Variants in LRRC3B observed in about 807,000 individuals in gnomAD.
LRRC3B encodes the protein leucine rich repeat containing 3B.
In LRRC3B, 2 loss-of-function variants were observed where a neutral mutation model predicts 12.8. The observed-to-expected ratio is 0.16, with a 90% CI of 0.06 to 0.49. LRRC3B has a LOEUF of 0.49. Ranked by LOEUF, LRRC3B falls within the 20% of genes least tolerant of loss-of-function variation. LRRC3B has a pLI of 0.96. For synonymous variants in LRRC3B, 132 were observed against 122.0 expected (o/e 1.08, Z -0.54); for missense variants, 189 against 319.4 (o/e 0.59, Z 3.11).
chr3:26,703,739 G>C (rs1216756873), intron 1 of LRRC3B, among the ~76,000 whole-genome samples: 8 of 151,512 alleles, frequency 5.3e-5, no homozygotes, highest in East Asian at 1.9e-4. Flanking sequence ...ATCTATTTTT[G>C]TATATGGTGT....
chr3:26,657,860 TA>T (rs1699408285), intron 1 of LRRC3B, among the ~76,000 whole-genome samples: 1 of 152,178 alleles, frequency 6.6e-6, no homozygotes, highest in African/African-American at 2.4e-5. Context: ...GACTCACTCT[TA>T]TTTTTCTGGG....
intron 1 of LRRC3B, among the ~76,000 whole-genome samples, chr3:26,636,381 C>A (rs1698871376): frequency 6.6e-6 from 1 of 152,068 alleles, no homozygotes; most frequent in Non-Finnish European, 1.5e-5. Context: ...CTTAGAAATT[C>A]CTTAGACACT....
intron 1 of LRRC3B, among the ~76,000 whole-genome samples, chr3:26,701,557 T>C (rs535217141): frequency 2.0e-5 from 3 of 152,198 alleles, no homozygotes; most frequent in South Asian, 4.1e-4. Context: ...GAAAATCTCT[T>C]CCCCTCTAGT....
At chr3:26,664,116 A>G (rs186239592) in intron 1 of LRRC3B, among the ~76,000 whole-genome samples, 6 of 152,094 alleles carry the variant, frequency 3.9e-5, no homozygotes, top group Non-Finnish European at 8.8e-5. Context: ...CCCCTCTCCA[A>G]TTTGAACTAG....
At chr3:26,702,476 G>A (rs1700478663) in intron 1 of LRRC3B, among the ~76,000 whole-genome samples, 1 of 136,796 alleles carries the variant, frequency 7.3e-6, no homozygotes, top group South Asian at 2.4e-4. Flanking sequence ...ATCTTCAGCT[G>A]GATTGGTTTC....
intron 1 of LRRC3B, among the ~76,000 whole-genome samples, chr3:26,636,115 T>C (rs1029278993): frequency 1.3e-5 from 2 of 152,212 alleles, no homozygotes; most frequent in Admixed American, 6.5e-5. Context: ...AGTGACTGTT[T>C]CTAAGCATTT....
At chr3:26,652,030 C>T (rs969355098) in intron 1 of LRRC3B, among the ~76,000 whole-genome samples, 6 of 152,144 alleles carry the variant, frequency 3.9e-5, no homozygotes, top group Non-Finnish European at 5.9e-5. Flanking sequence ...ACTGCAGAAC[C>T]GGCTCTTAAC....
At chr3:26,636,890 C>T (rs995014484) in intron 1 of LRRC3B, among the ~76,000 whole-genome samples, 3,798 of 86,790 alleles carry the variant, frequency 0.044, 679 homozygotes, top group African/African-American at 0.19. Flanking sequence ...TCCTTCCTTT[C>T]TCTCTCTCTC....
chr3:26,669,333 T>G (rs1308758055), intron 1 of LRRC3B, among the ~76,000 whole-genome samples: 1 of 152,204 alleles, frequency 6.6e-6, no homozygotes, highest in African/African-American at 2.4e-5. Flanking sequence ...CTCCTTCAGT[T>G]TTTTCATTCC....
intron 1 of LRRC3B, among the ~76,000 whole-genome samples, chr3:26,700,791 C>CAGTTA (rs1486468677): frequency 3.9e-5 from 6 of 152,092 alleles, no homozygotes; most frequent in African/African-American, 9.7e-5. Flanking sequence ...CAAAGGACTT[C>CAGTTA]AGTTAAGTTC....
intron 1 of LRRC3B, among the ~76,000 whole-genome samples, chr3:26,653,313 C>T (rs1433521691): frequency 2.0e-5 from 3 of 152,098 alleles, no homozygotes; most frequent in African/African-American, 7.2e-5. Context: ...AGAGCCTGTA[C>T]CTGAACAGTT....
At chr3:26,642,621 C>G (rs1394427381) in intron 1 of LRRC3B, among the ~76,000 whole-genome samples, 2 of 152,142 alleles carry the variant, frequency 1.3e-5, no homozygotes, top group Non-Finnish European at 2.9e-5. Flanking sequence ...CCCACACAGG[C>G]CTGTTTCTCT....
At chr3:26,651,781 A>G (rs1257304554) in intron 1 of LRRC3B, among the ~76,000 whole-genome samples, 1 of 152,174 alleles carries the variant, frequency 6.6e-6, no homozygotes, top group Non-Finnish European at 1.5e-5. Context: ...GTAGATGGCA[A>G]TTGCCTCAAC....
intron 1 of LRRC3B, among the ~76,000 whole-genome samples, chr3:26,652,541 G>C (rs1449608543): frequency 6.6e-6 from 1 of 152,158 alleles, no homozygotes; most frequent in Non-Finnish European, 1.5e-5. Flanking sequence ...GAGTCCAGTG[G>C]GGGGAAAATG....
At chr3:26,698,874 C>A (rs1490714797) in intron 1 of LRRC3B, among the ~76,000 whole-genome samples, 1 of 152,002 alleles carries the variant, frequency 6.6e-6, no homozygotes. Flanking sequence ...TGCAATAATA[C>A]CTTACATACA....
intron 1 of LRRC3B, among the ~76,000 whole-genome samples, chr3:26,687,724 C>T (rs1026455296): frequency 3.3e-5 from 5 of 152,190 alleles, no homozygotes; most frequent in Non-Finnish European, 7.3e-5. Context: ...AGAATCGATT[C>T]ATTTGAATTT....
At chr3:26,627,996 T>C (rs1698666630) in intron 1 of LRRC3B, among the ~76,000 whole-genome samples, 1 of 152,126 alleles carries the variant, frequency 6.6e-6, no homozygotes, top group Non-Finnish European at 1.5e-5. Flanking sequence ...GACATTCTGG[T>C]TTCCAATTCC....
At position 26,689,120 on chromosome 3, in the gene LRRC3B, C is replaced by G. The variant is rs577609103; in HGVS notation, c.-160-20393C>G. 1.2e-4 allele frequency among the ~76,000 whole-genome samples: 19 copies of G among 152,192 alleles called. No homozygotes were observed. In the East Asian group the frequency reaches 3.5e-3, roughly 28 times the overall value. On this transcript the variant is annotated intron_variant, in intron 1 of 1. Coordinates refer to ENST00000396641, the Ensembl canonical transcript of LRRC3B. ...GTTCCAGCAGCTGAGCATGAGGAGC[C>G]CTTATAGACTCTCAGACACTCCATC...
intron 1 of LRRC3B, among the ~76,000 whole-genome samples, chr3:26,630,194 T>A (rs1361464783): frequency 6.6e-6 from 1 of 152,020 alleles, no homozygotes; most frequent in Admixed American, 6.6e-5. Flanking sequence ...ATAGCATAGA[T>A]CAGTTCAAAG....
Sources: gnomAD v4.1 joint callset for allele counts (sites outside exome capture counted in the v4.1 genomes callset) on GRCh38, gnomAD v4.1.1 for gene constraint, MANE v1.5 for transcripts, NCBI Gene and HGNC (gene_info 2026-07-23, HGNC 2026-07-21) for gene names.